ROBO1: variants seen among roughly 807,000 people sequenced by gnomAD.
ROBO1 encodes the protein roundabout guidance receptor 1, also known as roundabout homolog 1.
Under a neutral mutation model 195.9 loss-of-function variants are expected in ROBO1, and 149 were observed. The ratio of observed to expected loss-of-function variants is 0.76; its 90% CI spans 0.67 to 0.87. The LOEUF (loss-of-function observed/expected upper bound fraction) is 0.87. Ranked by LOEUF, ROBO1 falls within the 40% of genes least tolerant of loss-of-function variation. ROBO1 has a pLI of 0.00. For missense variants in ROBO1, 1,933 were observed against 2,068.3 expected (o/e 0.93, Z 1.27); for synonymous variants, 816 against 733.2 (o/e 1.11, Z -1.82).
At chr3:78,953,224 A>C (rs2040878620) in intron 3 of ROBO1, among the ~76,000 whole-genome samples, 1 of 152,100 alleles carries the variant, frequency 6.6e-6, no homozygotes, top group South Asian at 2.1e-4. Context: ...GAACCAATTC[A>C]GGCAGGATTT....
At chr3:79,698,392 T>C (rs916706948) in intron 1 of ROBO1, among the ~76,000 whole-genome samples, 1 of 151,468 alleles carries the variant, frequency 6.6e-6, no homozygotes, top group Non-Finnish European at 1.5e-5. Context: ...ATAGGTAAGA[T>C]AGATATATCA....
At chr3:78,707,313 C>A (rs1223569130) in intron 8 of ROBO1, among the ~76,000 whole-genome samples, 1 of 152,142 alleles carries the variant, frequency 6.6e-6, no homozygotes. Context: ...TATTGCATGT[C>A]AGTCTCATAC....
intron 2 of ROBO1, among the ~76,000 whole-genome samples, chr3:79,293,022 G>C (rs970513234): frequency 2.0e-5 from 3 of 152,026 alleles, no homozygotes; most frequent in African/African-American, 7.3e-5. Context: ...TTTTTTGGTT[G>C]GTAGGCTATT....
intron 5 of ROBO1, among the ~76,000 whole-genome samples, chr3:78,738,714 T>A (rs2082451679): frequency 6.6e-6 from 1 of 152,156 alleles, no homozygotes; most frequent in South Asian, 2.1e-4. Context: ...TGGTTGGTTT[T>A]CCTAGGTAAG....
chr3:79,714,846 T>G (rs1212916874), intron 1 of ROBO1, among the ~76,000 whole-genome samples: 1 of 113,850 alleles, frequency 8.8e-6, no homozygotes, highest in Non-Finnish European at 1.7e-5. Flanking sequence ...TGGGGACTGT[T>G]GTGGGGTGGG....
intron 1 of ROBO1, among the ~76,000 whole-genome samples, chr3:79,693,383 TTGTGTGTGTGTGTGTGTGTGTG>T (rs55667736): frequency 6.9e-6 from 1 of 145,124 alleles, no homozygotes; most frequent in African/African-American, 2.6e-5. Context: ...ATATAGAGAT[TTGTGTGTGTGTGTGTGTGTGTG>T]TGTGTGTGTG....
At chr3:79,638,590 G>T (rs1576160504) in intron 1 of ROBO1, among the ~76,000 whole-genome samples, 5 of 152,038 alleles carry the variant, frequency 3.3e-5, no homozygotes, top group Admixed American at 3.3e-4. Context: ...TTAATGGTCT[G>T]ATTTTGAAGA....
intron 2 of ROBO1, among the ~76,000 whole-genome samples, chr3:79,418,300 G>C (rs2106915064): frequency 6.6e-6 from 1 of 152,188 alleles, no homozygotes; most frequent in African/African-American, 2.4e-5. Context: ...GTAATCAATA[G>C]TATTATAGCA....
chr3:79,060,537 G>A (rs976683090), intron 3 of ROBO1, among the ~76,000 whole-genome samples: 1 of 151,802 alleles, frequency 6.6e-6, no homozygotes, highest in Non-Finnish European at 1.5e-5. Context: ...CAGACTGGTC[G>A]ACACTTAGGG....
intron 4 of ROBO1, among the ~76,000 whole-genome samples, chr3:78,824,120 T>C (rs558318121): frequency 6.6e-6 from 1 of 152,330 alleles, no homozygotes; most frequent in South Asian, 2.1e-4. Flanking sequence ...AGCAGTGCCA[T>C]ACTGTAGTAA....
chr3:79,166,384 C>A (rs948628737), intron 2 of ROBO1, among the ~76,000 whole-genome samples: 2 of 151,930 alleles, frequency 1.3e-5, no homozygotes, highest in Non-Finnish European at 2.9e-5. Flanking sequence ...CATCTTATAC[C>A]TTCAATTGGA....
intron 3 of ROBO1, among the ~76,000 whole-genome samples, chr3:78,959,081 G>A (rs2041204403): frequency 1.3e-5 from 2 of 152,010 alleles, no homozygotes; most frequent in African/African-American, 4.8e-5. Flanking sequence ...GGGAATACAG[G>A]CATGAGCACT....
intron 3 of ROBO1, among the ~76,000 whole-genome samples, chr3:79,015,381 C>G (rs2077901267): frequency 7.8e-6 from 1 of 128,452 alleles, no homozygotes; most frequent in African/African-American, 3.0e-5. Context: ...CTCCCCCACG[C>G]CCCCCCCCAA....
At chr3:78,853,342 G>GA (rs1275690282) in intron 4 of ROBO1, among the ~76,000 whole-genome samples, 1 of 150,866 alleles carries the variant, frequency 6.6e-6, no homozygotes, top group Non-Finnish European at 1.5e-5. Context: ...TTTAGAGAGA[G>GA]AAAATATGTA....
intron 2 of ROBO1, among the ~76,000 whole-genome samples, chr3:79,181,925 C>CA (rs151309857): frequency 0.11 from 9,665 of 87,208 alleles, 360 homozygotes; most frequent in South Asian, 0.14. Flanking sequence ...GATCTTGTGC[C>CA]AAAAAAAAAA....
chr3:78,662,160 T>C (rs779053929), intron 14 of ROBO1, 46 bp from the exon 15 acceptor site: 25 of 1,532,052 alleles, frequency 1.6e-5, no homozygotes, highest in African/African-American at 1.1e-4. Flanking sequence ...ACAACGTTAC[T>C]GAACGGAATG....
intron 22 of ROBO1, 24 bp from the exon 23 acceptor site, chr3:78,636,132 G>GA (rs150120837): frequency 3.9e-6 from 6 of 1,519,370 alleles, no homozygotes; most frequent in African/African-American, 1.4e-5. Context: ...AGAGGAAAAG[G>GA]AAAAAATCAT....
At chr3:78,954,639 G>T (rs2040949853) in intron 3 of ROBO1, among the ~76,000 whole-genome samples, 1 of 151,842 alleles carries the variant, frequency 6.6e-6, no homozygotes, top group Non-Finnish European at 1.5e-5. Flanking sequence ...TTTTTTTATT[G>T]CTATGGAAAC....
At chr3:78,711,377 TCC>T (rs1199677141) in intron 8 of ROBO1, among the ~76,000 whole-genome samples, 891 of 29,788 alleles carry the variant, frequency 0.03, 10 homozygotes, top group Non-Finnish European at 0.041. Context: ...CTTCCTTCCT[TCC>T]TTCCTTCCTT....
Sources: allele counts gnomAD v4.1 joint callset (sites outside exome capture counted in the v4.1 genomes callset), GRCh38; gene constraint gnomAD v4.1.1; transcripts MANE v1.5; gene names NCBI Gene and HGNC (gene_info 2026-07-23, HGNC 2026-07-21).